The following NRDE2 variants were observed in gnomAD, a reference collection of about 807,000 sequenced individuals.
NRDE2 encodes NRDE-2, necessary for RNA interference, domain containing, also known as nuclear exosome regulator NRDE2.
A neutral mutation model predicts 124.2 loss-of-function variants in NRDE2; 76 were observed. The ratio of observed to expected loss-of-function variants is 0.61; its 90% CI spans 0.51 to 0.74. The LOEUF is 0.74. NRDE2 is among the 30% of genes least tolerant of loss of function. The probability of loss-of-function intolerance (pLI) is 0.00; values close to 1 mark genes in which losing one functional copy is unlikely to be tolerated. For synonymous variants in NRDE2, 489 were observed against 528.1 expected (o/e 0.93, Z 1.01); for missense variants, 1,314 against 1,417.3 (o/e 0.93, Z 1.17).
At chr14:90,316,994 G>T (rs1885071306) in intron 2 of NRDE2, among the ~76,000 whole-genome samples, 183 bp from the exon 3 acceptor site, 1 of 152,134 alleles carries the variant, frequency 6.6e-6, no homozygotes, top group South Asian at 2.1e-4. Context: ...TTAGGAATTG[G>T]ATCTAAAATA....
At chr14:90,289,245 C>G in intron 10 of NRDE2, 100 bp from the exon 11 acceptor site, 1 of 925,594 alleles carries the variant, frequency 1.1e-6, no homozygotes. Context: ...GGCGTCTACG[C>G]TTCCTCCCTT....
At chr14:90,281,627 C>G (rs1368840113) in intron 12 of NRDE2, 1 of 152,162 alleles carries the variant, frequency 6.6e-6, no homozygotes, top group Non-Finnish European at 1.5e-5. Context: ...CAGACGTGTG[C>G]CACCTCCCCA....
In NRDE2 at chr14:90,288,495, G is replaced by A. The variant is rs1186106764; in HGVS notation, c.2880C>T (p.Ala960=). The change falls in exon 11 of 14, where the codon GCC becomes GCT. Residue 960 remains alanine, a synonymous_variant. Transcript: ENST00000354366. ...GCAGGCTCGTGTGCATCAGTGTGAT[G>A]GCTTCGAGAACACTGGTCCAACTCT... ...SSQSWTSVLE[A]ITLMHTSLLR... is the part of the protein sequence containing the mutation. The A allele has an allele frequency of 6.2e-7, 1 of 1,614,060 alleles. No homozygotes were observed. The highest frequency in any genetic ancestry group is 2.2e-5 in the East Asian group (1 of 44,882).
rs1449631553 is a variant in NRDE2, at chr14:90,302,887, G to A, written c.1244C>T (p.Thr415Ile). The change falls in exon 6 of 14, where the codon ACA becomes ATA. Residue 415 changes from threonine to isoleucine, a missense_variant. By Grantham distance (89) the Thr-to-Ile change is moderately conservative. Transcript: ENST00000354366. Reference sequence around the variant, plus strand: ...TAAAAGGTATTTCTGCCAAAGGGCTGTATTATTGGGATGCAAAAATATCAG... The same window carrying A: ...TAAAAGGTATTTCTGCCAAAGGGCTATATTATTGGGATGCAAAAATATCAG... ...QKLIFLHPNN[T>I]ALWQKYLLFC... 2 of 1,614,116 alleles carry A rather than the reference G, an allele frequency of 1.2e-6. No homozygotes were observed. Among genetic ancestry groups the A allele is most frequent in the African/African-American group, 1.3e-5 (1 of 75,046 alleles).
intron 1 of NRDE2, among the ~76,000 whole-genome samples, chr14:90,319,334 A>G (rs2139709527): frequency 6.6e-6 from 1 of 152,306 alleles, no homozygotes; most frequent in South Asian, 2.1e-4. Flanking sequence ...TTGAGATATA[A>G]TTTACATACC....
chr14:90,312,560 G>A lies in NRDE2; in HGVS notation c.408-17C>T. On this transcript the variant is annotated splice_polypyrimidine_tract_variant and intron_variant, in intron 3 of 13. Transcript: ENST00000354366. Reference sequence around the variant, plus strand: ...TTTCCTTGACTGTGGGACAAAGGAAGAAGAAGAAGGGAGAGGCACTTTAAA... The same window carrying A: ...TTTCCTTGACTGTGGGACAAAGGAAAAAGAAGAAGGGAGAGGCACTTTAAA... 1 of 1,611,586 alleles carries A rather than the reference G, an allele frequency of 6.2e-7. No homozygotes were observed. The highest frequency in any genetic ancestry group is 8.5e-7 in the Non-Finnish European group (1 of 1,179,816).
At chr14:90,291,587 A>G (rs1041552187) in intron 9 of NRDE2, among the ~76,000 whole-genome samples, 1 of 152,072 alleles carries the variant, frequency 6.6e-6, no homozygotes, top group Non-Finnish European at 1.5e-5. Context: ...ACTCTTCTGC[A>G]GACATTCAGC....
chr14:90,324,034 T>C (rs1266891286), intron 1 of NRDE2, among the ~76,000 whole-genome samples: 1 of 151,654 alleles, frequency 6.6e-6, no homozygotes, highest in Non-Finnish European at 1.5e-5. Context: ...AGAGAGAAAA[T>C]AGGGAATAAT....
At chr14:90,319,128 C>A (rs963514966) in intron 1 of NRDE2, among the ~76,000 whole-genome samples, 1 of 152,030 alleles carries the variant, frequency 6.6e-6, no homozygotes, top group Non-Finnish European at 1.5e-5. Flanking sequence ...TATTTTCTAA[C>A]TTTTAGGAGT....
intron 12 of NRDE2, among the ~76,000 whole-genome samples, chr14:90,285,341 G>T (rs1468153216): frequency 7.6e-6 from 1 of 130,900 alleles, no homozygotes; most frequent in Non-Finnish European, 1.6e-5. Context: ...TCACTCTGTC[G>T]TTCAGGCTGG....
Position 90,278,397 on chromosome 14 carries a change from G to C in NRDE2, c.3434C>G (p.Thr1145Ser). The change falls in exon 14 of 14, where the codon ACT becomes AGT. Residue 1145 changes from threonine to serine, a missense_variant. Transcript: ENST00000354366. ...DEMQEILDLM[T>S]EKELRVRLPL... ...CAGGCGCACCCGGAGCTCCTTCTCA[G>C]TCATCAGGTCCAGGATCTCCTGCAT... 1 of 1,614,104 alleles carries C rather than the reference G, an allele frequency of 6.2e-7. No individual in the cohort carries two copies. The highest frequency in any genetic ancestry group is 8.5e-7 in the Non-Finnish European group (1 of 1,180,004).
At chr14:90,316,455 A>G in intron 3 of NRDE2, 123 bp downstream of exon 3, 1 of 683,440 alleles carries the variant, frequency 1.5e-6, no homozygotes, top group Admixed American at 2.6e-5. Flanking sequence ...AGCTGATATA[A>G]TGGTAGAGCT....
intron 12 of NRDE2, among the ~76,000 whole-genome samples, chr14:90,283,268 A>G (rs771277891): frequency 1.2e-4 from 18 of 152,198 alleles, no homozygotes; most frequent in Non-Finnish European, 2.4e-4. Context: ...AAAAGAGAGA[A>G]ATTCTCTAAG....
At chr14:90,323,709 A>G (rs1885320417) in intron 1 of NRDE2, among the ~76,000 whole-genome samples, 1 of 152,160 alleles carries the variant, frequency 6.6e-6, no homozygotes, top group Non-Finnish European at 1.5e-5. Context: ...GAGTTAACCT[A>G]CAATTTGAAG....
chr14:90,316,326 C>T (rs1885046514), intron 3 of NRDE2, among the ~76,000 whole-genome samples: 1 of 152,130 alleles, frequency 6.6e-6, no homozygotes. Flanking sequence ...GGCACATCTG[C>T]CATCTTTTGA....
chr14:90,287,814 G>A (rs1057118288), intron 11 of NRDE2, among the ~76,000 whole-genome samples: 2 of 152,094 alleles, frequency 1.3e-5, no homozygotes, highest in African/African-American at 2.4e-5. Flanking sequence ...AGCTATGAGA[G>A]GGGAAGTGGC....
At chr14:90,318,916 CTAACT>C (rs1487995017) in intron 1 of NRDE2, among the ~76,000 whole-genome samples, 1 of 152,166 alleles carries the variant, frequency 6.6e-6, no homozygotes, top group Non-Finnish European at 1.5e-5. Flanking sequence ...CCTTAGTACA[CTAACT>C]TAACAAACTT....
intron 1 of NRDE2, 95 bp from the exon 2 acceptor site, chr14:90,318,208 A>C (rs1595076032): frequency 2.2e-6 from 2 of 920,724 alleles, no homozygotes. Context: ...ATCCTAATTC[A>C]CAGCCAATGC....
rs749441372 is a variant in NRDE2 at position 90,331,865 on chromosome 14, G to A, written c.40C>T (p.Pro14Ser). ...FPAFAGLSEA[P>S]DGGSSRKELD... ...CCTTTCCTGGAGCTCCCGCCATCGGGAGCCTCACTAAGCCCCGCAAAGGCT... is the reference window on the plus strand; with the variant it reads ...CCTTTCCTGGAGCTCCCGCCATCGGAAGCCTCACTAAGCCCCGCAAAGGCT... The change falls in exon 1 of 14, where the codon CCC becomes TCC. Residue 14 changes from proline (P) to serine (S), a missense_variant. By Grantham distance (74) the Pro-to-Ser change is moderately conservative (BLOSUM62 -1). Coordinates refer to ENST00000354366, the MANE Select transcript of NRDE2 (RefSeq NM_017970.4). The A allele has an allele frequency of 1.1e-5, 17 of 1,614,020 alleles. No homozygotes were observed. The highest frequency in any genetic ancestry group is 1.4e-5 in the Non-Finnish European group (17 of 1,180,044).
Sources: allele counts gnomAD v4.1 joint callset (sites outside exome capture counted in the v4.1 genomes callset), GRCh38; gene constraint gnomAD v4.1.1; transcripts MANE v1.5; gene names NCBI Gene and HGNC (gene_info 2026-07-23, HGNC 2026-07-21).